TSPAN1: variants seen among roughly 807,000 people sequenced by gnomAD.
TSPAN1 encodes tetraspanin 1, also known as tetraspanin-1.
A neutral mutation model predicts 26.9 loss-of-function variants in TSPAN1; 23 were observed. The observed-to-expected ratio is 0.85, with a 90% CI of 0.62 to 1.21. The LOEUF (loss-of-function observed/expected upper bound fraction) is 1.21, where lower values mean the gene tolerates loss of function less well. Among genes scored for constraint, TSPAN1 ranks in the 50% most tolerant of loss-of-function variants. The probability of loss-of-function intolerance (pLI) is 0.00; values close to 1 mark genes in which losing one functional copy is unlikely to be tolerated. For synonymous variants in TSPAN1, 115 were observed against 114.8 expected, an observed-to-expected ratio of 1.00 and a Z score of -0.01; for missense variants, 283 against 298.4, an observed-to-expected ratio of 0.95 and a Z score of 0.38.
At chr1:46,184,129 CTG>C in intron 3 of TSPAN1, 60 bp from the exon 4 acceptor site, 2 of 1,547,676 alleles carry the variant, frequency 1.3e-6, no homozygotes, top group Non-Finnish European at 1.8e-6. Context: ...TCTTACTCAG[CTG>C]TGTGGTAGTA....
rs111839410 is a variant in TSPAN1 at position 46,180,663 on chromosome 1, TG to T, written c.-9+8del. ...ACTGCCAAGAGCCCTGAACAGGTAA[TG>T]GGATAGGGATACAGATTATCCTGTG... On this transcript the variant is annotated splice_donor_region_variant and intron_variant, in intron 2 of 8. Coordinates refer to ENST00000372003, the MANE Select transcript of TSPAN1 (RefSeq NM_005727.4). The T allele has an allele frequency of 3.0e-4, 48 of 161,632 alleles. 1 individual carries two copies. Among genetic ancestry groups the T allele is most frequent in the African/African-American group, 1.1e-3 (45 of 41,716 alleles). The allele number at this position is 161,632 out of a possible 1,614,324, so 10.0% of individuals were successfully genotyped here.
In TSPAN1 at chr1:46,184,521, G is replaced by GT. The variant is rs1369411494; in HGVS notation, c.265-73_265-72insT. 10 of 1,604,260 alleles carry GT rather than the reference G, an allele frequency of 6.2e-6. No individual in the cohort carries two copies. The East Asian group carries it at 6.7e-5, about 11-fold the overall frequency. ...CTCAGGCTTCTGTCTCACTTTTCCG[G>GT]GGGGGGGATTAGGGCAAGGAGGGCA... is the stretch of plus-strand genomic sequence containing the variant. On this transcript the variant is annotated intron_variant, in intron 4 of 8. Coordinates refer to ENST00000372003, the MANE Select transcript of TSPAN1 (RefSeq NM_005727.4).
Position 46,185,224 on chromosome 1 carries a change from G to A in TSPAN1, c.595-1G>A, listed in dbSNP as rs760817576. 15 of 1,614,070 alleles carry A rather than the reference G, an allele frequency of 9.3e-6. No individual in the cohort carries two copies. Among genetic ancestry groups the A allele is most frequent in the Non-Finnish European group, 7.6e-6 (9 of 1,180,044 alleles). ...ATAAATGCTCTTTTCTCTTCCTGAAGGGTTGCTTCAATCAGCTTTTGTATG... is the reference window on the plus strand; with the variant it reads ...ATAAATGCTCTTTTCTCTTCCTGAAAGGTTGCTTCAATCAGCTTTTGTATG... On this transcript the variant is annotated splice_acceptor_variant, in intron 7 of 8. Transcript: ENST00000372003. LOFTEE classifies it high-confidence loss of function.
rs756123643 is a variant in TSPAN1, at chr1:46,184,614, C to T, written c.285C>T (p.Leu95=). Residue 95 remains leucine (L), a synonymous_variant, in exon 5 of 9, where the codon CTC becomes CTT. Coordinates refer to ENST00000372003, the MANE Select transcript of TSPAN1 (RefSeq NM_005727.4). ...ALVTFFFILL[L]IFIAEVAAAV... ...CTCAGTTCTTCTTCATCCTCCTCCT[C>T]ATCTTCATTGCTGAGGTTGCAGCTG... The T allele has an allele frequency of 6.2e-7, 1 of 1,614,212 alleles. No homozygotes were observed. The highest frequency in any genetic ancestry group is 1.3e-5 in the African/African-American group (1 of 75,036).
chr1:46,190,897 A>G (rs371776876), downstream of TSPAN1: 19 of 1,010,254 alleles, frequency 1.9e-5, no homozygotes, highest in African/African-American at 8.0e-5. Flanking sequence ...ACCTGTAAAG[A>G]GCCCTCTAAT....
chr1:46,188,692 C>T, downstream of TSPAN1: 1 of 1,595,272 alleles, frequency 6.3e-7, no homozygotes, highest in Non-Finnish European at 8.6e-7. Flanking sequence ...CCCCAGAGGG[C>T]TTCTCCTTTT....
At chr1:46,176,268 G>GGTGTT (rs1310589713) in intron 1 of TSPAN1, 32 of 1,535,756 alleles carry the variant, frequency 2.1e-5, no homozygotes, top group Non-Finnish European at 2.8e-5. Flanking sequence ...TGTCAGTGTG[G>GGTGTT]GTGTTGTTGA....
chr1:46,176,110 T>C (rs529047265), intron 1 of TSPAN1: 149 of 1,117,828 alleles, frequency 1.3e-4, no homozygotes, highest in Admixed American at 5.6e-4. Context: ...CTCCTGACCT[T>C]GTGATCTGCC....
chr1:46,190,407 T>C (rs1239263076), downstream of TSPAN1: 3 of 1,518,482 alleles, frequency 2.0e-6, no homozygotes, highest in Non-Finnish European at 2.7e-6. Flanking sequence ...CTGTAAATTA[T>C]GGGGCCAAGA....
intron 1 of TSPAN1, among the ~76,000 whole-genome samples, chr1:46,177,602 G>A (rs534224321): frequency 1.3e-5 from 2 of 152,122 alleles, no homozygotes; most frequent in African/African-American, 2.4e-5. Context: ...GAGAATATGC[G>A]TCACTAAATA....
downstream of TSPAN1, chr1:46,190,567 C>G (rs759275828): frequency 6.5e-7 from 1 of 1,547,966 alleles, no homozygotes; most frequent in South Asian, 1.1e-5. Flanking sequence ...CCCTCAGGTC[C>G]CATGGGTAGC....
At chr1:46,193,089 G>A in the TSPAN1 span, 2 of 1,606,104 alleles carry the variant, frequency 1.2e-6, no homozygotes, top group Non-Finnish European at 1.7e-6. Context: ...CCCAGTGAGG[G>A]GAAGAGCTTG....
chr1:46,189,927 T>C (rs1204034604), downstream of TSPAN1: 11 of 1,614,072 alleles, frequency 6.8e-6, no homozygotes, highest in Non-Finnish European at 9.3e-6. Context: ...GGTGTGGCCC[T>C]CTGTGTCTGG....
downstream of TSPAN1, chr1:46,190,019 A>C: frequency 6.2e-7 from 1 of 1,612,850 alleles, no homozygotes; most frequent in Non-Finnish European, 8.5e-7. Context: ...AATATAGCCA[A>C]GACAGGGCCC....
chr1:46,192,424 TG>T, the TSPAN1 span: 1 of 1,614,088 alleles, frequency 6.2e-7, no homozygotes. Context: ...TCCTCAGCCG[TG>T]TGTTCATACC....
intron 2 of TSPAN1, 131 bp downstream of exon 2, chr1:46,180,789 C>G (rs997464465): frequency 2.2e-5 from 9 of 417,276 alleles, no homozygotes; most frequent in Non-Finnish European, 3.9e-5. Context: ...ACAGGATATA[C>G]AGGTGCTAGG....
chr1:46,189,214 G>A (rs1657544058), downstream of TSPAN1: 2 of 1,573,614 alleles, frequency 1.3e-6, no homozygotes, highest in African/African-American at 2.7e-5. Flanking sequence ...TGGAGGGAAG[G>A]GCTAGCCAGC....
intron 1 of TSPAN1, among the ~76,000 whole-genome samples, chr1:46,177,377 A>G (rs1006625635): frequency 6.6e-6 from 1 of 151,656 alleles, no homozygotes; most frequent in South Asian, 2.1e-4. Context: ...CTATCTATCT[A>G]TCTAACTATC....
downstream of TSPAN1, chr1:46,188,819 G>T (rs148903585): frequency 1.2e-6 from 2 of 1,612,918 alleles, no homozygotes; most frequent in South Asian, 2.2e-5. Context: ...GTGGGCCCCA[G>T]CTGGGCCTGT....
Sources: gnomAD v4.1 joint callset for allele counts (sites outside exome capture counted in the v4.1 genomes callset) on GRCh38, gnomAD v4.1.1 for gene constraint, MANE v1.5 for transcripts, NCBI Gene and HGNC (gene_info 2026-07-23, HGNC 2026-07-21) for gene names.